Variants in CNTN4 observed in about 807,000 individuals in gnomAD.
CNTN4 encodes contactin 4, also known as contactin-4.
Under a neutral mutation model 122.5 loss-of-function variants are expected in CNTN4, and 77 were observed. The ratio of observed to expected loss-of-function variants is 0.63; its 90% CI spans 0.52 to 0.76. The LOEUF (loss-of-function observed/expected upper bound fraction) is 0.76. CNTN4 is among the 30% of genes least tolerant of loss of function. The pLI, the probability that CNTN4 is intolerant of heterozygous loss-of-function variation, is 0.00. For synonymous variants in CNTN4, 512 were observed against 447.0 expected (o/e 1.15, Z -1.83); for missense variants, 1,256 against 1,259.1 (o/e 1.00, Z 0.04).
At chr3:2,400,876 T>A (rs1350623032) in intron 3 of CNTN4, among the ~76,000 whole-genome samples, 1 of 151,700 alleles carries the variant, frequency 6.6e-6, no homozygotes, top group Non-Finnish European at 1.5e-5. Flanking sequence ...TATATAAGTA[T>A]ATTATTCAAA....
At chr3:2,574,726 A>G (rs751224353) in intron 4 of CNTN4, among the ~76,000 whole-genome samples, 40 of 152,172 alleles carry the variant, frequency 2.6e-4, no homozygotes, top group Non-Finnish European at 4.8e-4. Flanking sequence ...TTACAGAAGT[A>G]AAAGTGTACA....
intron 6 of CNTN4, among the ~76,000 whole-genome samples, chr3:2,784,854 A>C (rs1039001538): frequency 2.0e-5 from 3 of 152,200 alleles, no homozygotes; most frequent in African/African-American, 7.2e-5. Context: ...GAAGGTATTC[A>C]ATAAGCGCTA....
chr3:2,535,619 G>T (rs2077772531), intron 3 of CNTN4, among the ~76,000 whole-genome samples: 2 of 152,012 alleles, frequency 1.3e-5, no homozygotes, highest in South Asian at 4.1e-4. Flanking sequence ...GCCCTTTCAT[G>T]ATAGAGATTC....
At chr3:2,702,979 G>C (rs2728033) in intron 4 of CNTN4, among the ~76,000 whole-genome samples, 96,094 of 152,068 alleles carry the variant, frequency 0.63, 30,835 homozygotes, top group African/African-American at 0.73. Flanking sequence ...GATATTCTCA[G>C]GAATGTGTTC....
intron 2 of CNTN4, among the ~76,000 whole-genome samples, chr3:2,328,678 TA>T (rs1231026605): frequency 2.0e-5 from 3 of 151,152 alleles, no homozygotes; most frequent in African/African-American, 7.3e-5. Flanking sequence ...AAAAAAACAA[TA>T]AAAAATAACA....
At chr3:2,302,844 T>C (rs975494123) in intron 2 of CNTN4, among the ~76,000 whole-genome samples, 1 of 148,158 alleles carries the variant, frequency 6.7e-6, no homozygotes, top group Admixed American at 6.7e-5. Context: ...TACCTAGCAA[T>C]GCCAAGCACA....
chr3:2,728,415 A>C (rs746707634), intron 4 of CNTN4, among the ~76,000 whole-genome samples: 6 of 152,172 alleles, frequency 3.9e-5, no homozygotes, highest in Admixed American at 6.5e-5. Context: ...TGGTGGAAAG[A>C]GTAATGGTTC....
chr3:2,896,934 T>G (rs1311246612), intron 10 of CNTN4, among the ~76,000 whole-genome samples: 17 of 149,958 alleles, frequency 1.1e-4, no homozygotes, highest in Non-Finnish European at 1.9e-4. Context: ...TTAGAGGGTT[T>G]TTTTTTTTTT....
intron 2 of CNTN4, among the ~76,000 whole-genome samples, chr3:2,105,456 C>G (rs1351527651): frequency 6.6e-6 from 1 of 152,130 alleles, no homozygotes; most frequent in Non-Finnish European, 1.5e-5. Flanking sequence ...CGCATGGCCT[C>G]AGGAAATTTA....
intron 2 of CNTN4, among the ~76,000 whole-genome samples, chr3:2,328,166 G>A (rs372304830): frequency 7.2e-5 from 11 of 152,304 alleles, no homozygotes; most frequent in African/African-American, 2.6e-4. Flanking sequence ...AGCACTTTGG[G>A]AGGCCGAGGC....
chr3:2,324,089 A>T (rs2043364460), intron 2 of CNTN4, among the ~76,000 whole-genome samples: 1 of 152,198 alleles, frequency 6.6e-6, no homozygotes, highest in Non-Finnish European at 1.5e-5. Context: ...GATGCCAGTA[A>T]CATCTGTTCT....
At chr3:2,878,429 T>C (rs1020071946) in intron 8 of CNTN4, among the ~76,000 whole-genome samples, 5 of 152,196 alleles carry the variant, frequency 3.3e-5, no homozygotes, top group African/African-American at 1.2e-4. Context: ...CTTCAACAAA[T>C]CCTTACCCAT....
At chr3:2,472,488 C>T (rs1442346447) in intron 3 of CNTN4, among the ~76,000 whole-genome samples, 1 of 152,144 alleles carries the variant, frequency 6.6e-6, no homozygotes, top group African/African-American at 2.4e-5. Flanking sequence ...ATCCACCTGC[C>T]TCGGCGTCCC....
chr3:2,620,085 G>T (rs2149915405), intron 4 of CNTN4, among the ~76,000 whole-genome samples: 1 of 152,246 alleles, frequency 6.6e-6, no homozygotes, highest in Middle Eastern at 3.4e-3. Context: ...TCATTCATTT[G>T]ATTATATTAA....
chr3:2,842,682 A>G (rs1480562459), intron 7 of CNTN4, among the ~76,000 whole-genome samples: 2 of 152,176 alleles, frequency 1.3e-5, no homozygotes, highest in Non-Finnish European at 2.9e-5. Context: ...TGTCCACAAT[A>G]CTAAAGCTGA....
At chr3:2,312,981 C>T (rs1198982774) in intron 2 of CNTN4, among the ~76,000 whole-genome samples, 5 of 151,920 alleles carry the variant, frequency 3.3e-5, no homozygotes, top group African/African-American at 1.2e-4. Context: ...AAAATTTTAT[C>T]TTCAGGCAAA....
At position 2,437,197 on chromosome 3, in the gene CNTN4, C is replaced by G. The variant is rs575232745; in HGVS notation, c.-89+97964C>G. Among the ~76,000 whole-genome samples the G allele has an allele frequency of 4.6e-5, 7 of 152,194 alleles. No homozygotes were observed. In the South Asian group the frequency reaches 1.5e-3, roughly 32 times the overall value. On this transcript the variant is annotated intron_variant, in intron 3 of 24. Coordinates refer to ENST00000418658, the MANE Select transcript of CNTN4 (RefSeq NM_175607.3). ...TTAAGAACTGTATATTCCTCAGTCT[C>G]AATTCTAGCGAGTAAAGGGAAGACT...
intron 13 of CNTN4, chr3:2,927,509 T>C: frequency 3.3e-6 from 1 of 298,984 alleles, no homozygotes; most frequent in Non-Finnish European, 6.6e-6. Context: ...GGAAATATAA[T>C]CTTGCTATGT....
At chr3:2,334,088 C>T (rs62243994) in intron 2 of CNTN4, among the ~76,000 whole-genome samples, 19,054 of 152,186 alleles carry the variant, frequency 0.13, 1,493 homozygotes, top group Non-Finnish European at 0.18. Context: ...CTTTGATATT[C>T]AAATAATGTT....
Sources: allele counts gnomAD v4.1 joint callset (sites outside exome capture counted in the v4.1 genomes callset), GRCh38; gene constraint gnomAD v4.1.1; transcripts MANE v1.5; gene names NCBI Gene and HGNC (gene_info 2026-07-23, HGNC 2026-07-21).